MAN2A1: variants seen among roughly 807,000 people sequenced by gnomAD.
MAN2A1 encodes mannosidase alpha class 2A member 1, also known as alpha-mannosidase 2.
Under a neutral mutation model 142.6 loss-of-function variants are expected in MAN2A1, and 76 were observed. The observed-to-expected ratio is 0.53, with a 90% CI of 0.44 to 0.65. The LOEUF is 0.65. MAN2A1 is among the 30% of genes least tolerant of loss of function. The pLI is 0.00. For synonymous variants in MAN2A1, 559 were observed against 473.2 expected (o/e 1.18, Z -2.35); for missense variants, 1,311 against 1,365.1 (o/e 0.96, Z 0.62).
intron 12 of MAN2A1, among the ~76,000 whole-genome samples, chr5:109,800,697 G>C (rs575065541): frequency 5.9e-5 from 9 of 152,246 alleles, no homozygotes; most frequent in Non-Finnish European, 1.0e-4. Context: ...TAAATTCTGG[G>C]ATTTTAACTT....
chr5:109,705,957 C>T (rs1258183034), intron 1 of MAN2A1, among the ~76,000 whole-genome samples: 5 of 152,226 alleles, frequency 3.3e-5, no homozygotes, highest in Non-Finnish European at 7.3e-5. Context: ...CTAGGGTTTT[C>T]TTCCCATCTG....
chr5:109,767,386 G>C, intron 5 of MAN2A1, 149 bp from the exon 6 acceptor site: 1 of 551,778 alleles, frequency 1.8e-6, no homozygotes, highest in African/African-American at 1.9e-5. Context: ...TATCTTGCTG[G>C]GAATACTTGG....
intron 12 of MAN2A1, among the ~76,000 whole-genome samples, chr5:109,815,759 C>T (rs1313455780): frequency 6.6e-6 from 1 of 151,916 alleles, no homozygotes; most frequent in African/African-American, 2.4e-5. Flanking sequence ...ATATATAGAA[C>T]ACATATACAG....
At chr5:109,846,937 G>T (rs1755358332) in intron 18 of MAN2A1, among the ~76,000 whole-genome samples, 1 of 152,178 alleles carries the variant, frequency 6.6e-6, no homozygotes, top group South Asian at 2.1e-4. Context: ...AAACTGAAGA[G>T]CATGTTCCCG....
At chr5:109,826,140 A>G (rs1031334205) in intron 16 of MAN2A1, among the ~76,000 whole-genome samples, 1 of 151,710 alleles carries the variant, frequency 6.6e-6, no homozygotes, top group Non-Finnish European at 1.5e-5. Flanking sequence ...TCTTGACCTC[A>G]GGTAATCCAC....
At chr5:109,763,407 A>G (rs903174148) in intron 5 of MAN2A1, among the ~76,000 whole-genome samples, 9 of 152,072 alleles carry the variant, frequency 5.9e-5, no homozygotes, top group African/African-American at 1.9e-4. Context: ...TATAAGGAAC[A>G]TATCTGAGGA....
intron 16 of MAN2A1, among the ~76,000 whole-genome samples, chr5:109,826,922 G>A (rs374843076): frequency 2.0e-5 from 3 of 152,220 alleles, no homozygotes; most frequent in Non-Finnish European, 4.4e-5. Flanking sequence ...TTTCATTTTA[G>A]ATGCAAAGGA....
At chr5:109,849,040 A>G (rs908351763) in intron 19 of MAN2A1, among the ~76,000 whole-genome samples, 40 of 152,172 alleles carry the variant, frequency 2.6e-4, no homozygotes, top group Admixed American at 3.9e-4. Flanking sequence ...GGCACTGGCC[A>G]TTGTCACTCT....
intron 9 of MAN2A1, among the ~76,000 whole-genome samples, chr5:109,782,759 C>G (rs1261721850): frequency 6.6e-6 from 1 of 151,926 alleles, no homozygotes; most frequent in African/African-American, 2.4e-5. Flanking sequence ...AGAAAAATGT[C>G]TCATTTTAAA....
At chr5:109,701,894 C>G (rs1750994319) in intron 1 of MAN2A1, among the ~76,000 whole-genome samples, 1 of 152,164 alleles carries the variant, frequency 6.6e-6, no homozygotes, top group Middle Eastern at 3.4e-3. Flanking sequence ...TCTGGAAAGT[C>G]AAGTTCATTT....
intron 20 of MAN2A1, chr5:109,864,754 C>A: frequency 5.6e-6 from 2 of 358,294 alleles, no homozygotes; most frequent in South Asian, 5.5e-5. Flanking sequence ...AATGTATGGA[C>A]ATAAGGAAAC....
At chr5:109,751,248 A>T (rs1296827160) in intron 4 of MAN2A1, among the ~76,000 whole-genome samples, 1 of 151,600 alleles carries the variant, frequency 6.6e-6, no homozygotes, top group East Asian at 1.9e-4. Flanking sequence ...AGAACATAGG[A>T]TATTTGTCTT....
intron 4 of MAN2A1, among the ~76,000 whole-genome samples, chr5:109,735,104 T>C (rs1228801917): frequency 3.3e-5 from 5 of 152,222 alleles, no homozygotes; most frequent in Non-Finnish European, 7.3e-5. Context: ...TCTTGTTGAA[T>C]TGATCCCTTT....
At chr5:109,845,815 G>A in intron 17 of MAN2A1, 50 bp from the exon 18 acceptor site, 2 of 1,484,246 alleles carry the variant, frequency 1.3e-6, no homozygotes, top group Non-Finnish European at 1.8e-6. Flanking sequence ...GTTTTTAAAA[G>A]AACATATGTA....
rs898848123 is a variant in MAN2A1 at position 109,690,321 on chromosome 5, G to C, written c.-97G>C. The stretch of plus-strand genomic sequence containing the variant: ...CGAGAGCGCGGAGGTCGCGCAGCCC[G>C]GGAGAAGGGAGCCTCCGGCGGCTGC... On this transcript the variant is annotated 5_prime_UTR_variant, in exon 1 of 22. Coordinates refer to ENST00000261483, the MANE Select transcript of MAN2A1 (RefSeq NM_002372.4). 4.4e-6 allele frequency: 6 copies of C among 1,354,180 alleles called. No homozygotes were observed. In the East Asian group the frequency reaches 1.2e-4, roughly 26 times the overall value. The allele number at this position is 1,354,180 out of a possible 1,614,324, so 83.9% of individuals were successfully genotyped here.
At chr5:109,779,388 T>A (rs1047327614) in intron 8 of MAN2A1, among the ~76,000 whole-genome samples, 4 of 152,200 alleles carry the variant, frequency 2.6e-5, no homozygotes, top group African/African-American at 9.6e-5. Flanking sequence ...CTAAATAAAA[T>A]CCTTTGTTTT....
At chr5:109,804,332 A>G (rs566059655) in intron 12 of MAN2A1, 545 of 952,068 alleles carry the variant, frequency 5.7e-4, no homozygotes, top group Non-Finnish European at 6.5e-4. Flanking sequence ...ATCCTTATTC[A>G]GAGAGTAGCG....
chr5:109,799,552 T>C (rs892531789), intron 12 of MAN2A1, among the ~76,000 whole-genome samples: 3 of 151,906 alleles, frequency 2.0e-5, no homozygotes, highest in African/African-American at 7.3e-5. Context: ...GTCAGGAGTT[T>C]GAGACCAGCC....
intron 3 of MAN2A1, among the ~76,000 whole-genome samples, chr5:109,719,002 TAC>T (rs1423856871): frequency 9.1e-4 from 55 of 60,504 alleles, no homozygotes; most frequent in African/African-American, 6.1e-3. Flanking sequence ...TTATTTAAAG[TAC>T]TCTTTTGTAA....
Sources: gnomAD v4.1 joint callset for allele counts (sites outside exome capture counted in the v4.1 genomes callset) on GRCh38, gnomAD v4.1.1 for gene constraint, MANE v1.5 for transcripts, NCBI Gene and HGNC (gene_info 2026-07-23, HGNC 2026-07-21) for gene names.